NAA25: variants seen among roughly 807,000 people sequenced by gnomAD.
NAA25 encodes N-alpha-acetyltransferase 25, NatB auxiliary subunit, also known as N-terminal acetyltransferase B complex subunit NAA25.
NAA25 carries 30 observed loss-of-function variants against 132.5 expected under a neutral mutation model. That is an observed-to-expected ratio of 0.23 (90% confidence interval 0.17 to 0.31). The LOEUF (loss-of-function observed/expected upper bound fraction) is 0.31. Among genes scored for constraint, NAA25 ranks in the 10% least tolerant of loss-of-function variants. The probability of loss-of-function intolerance (pLI) is 1.00; values close to 1 mark genes in which losing one functional copy is unlikely to be tolerated. For synonymous variants in NAA25, 359 were observed against 401.9 expected, an observed-to-expected ratio of 0.89 and a Z score of 1.28; for missense variants, 771 against 1,150.4, an observed-to-expected ratio of 0.67 and a Z score of 4.77.
intron 22 of NAA25, among the ~76,000 whole-genome samples, chr12:112,038,174 C>T (rs552526048): frequency 2.9e-4 from 44 of 152,164 alleles, no homozygotes; most frequent in Non-Finnish European, 4.3e-4. Context: ...CCACCATGCC[C>T]GACTAATTTT....
chr12:112,101,472 A>T (rs535257205), intron 1 of NAA25, among the ~76,000 whole-genome samples: 32 of 152,012 alleles, frequency 2.1e-4, no homozygotes, highest in Non-Finnish European at 3.1e-4. Context: ...ATAAGATAAT[A>T]CAGGCCGGGT....
intron 23 of NAA25, among the ~76,000 whole-genome samples, chr12:112,030,761 T>C (rs2078139218): frequency 6.6e-6 from 1 of 152,148 alleles, no homozygotes; most frequent in African/African-American, 2.4e-5. Flanking sequence ...GAAATACAAA[T>C]GTGCATAGAA....
At position 112,050,047 on chromosome 12, in the gene NAA25, T is replaced by TA. The variant is rs75376629; in HGVS notation, c.1729-1605dup. Among the ~76,000 whole-genome samples the TA allele has an allele frequency of 5.9e-3, 757 of 128,880 alleles. 6 individuals are homozygous for TA. Among genetic ancestry groups the TA allele is most frequent in the South Asian group, 0.023 (95 of 4,112 alleles). 84.6% of individuals were successfully genotyped at this position (128,880 alleles called of 152,430 possible). ...GTGGTCCGTGGAACACCACTTTATT[T>TA]AAAAAAAAAAAAAAAAAAGGCAATA... On this transcript the variant is annotated intron_variant, in intron 15 of 23. Transcript: ENST00000261745.
At chr12:112,039,859 A>AGT (rs2078278610) in intron 21 of NAA25, 1 of 154,570 alleles carries the variant, frequency 6.5e-6, no homozygotes, top group South Asian at 2.0e-4. Context: ...CCTATACTAC[A>AGT]GTGTGTGCAT....
intron 11 of NAA25, among the ~76,000 whole-genome samples, chr12:112,061,857 C>T (rs1356286423): frequency 2.6e-5 from 4 of 152,090 alleles, no homozygotes; most frequent in Non-Finnish European, 4.4e-5. Context: ...ATGTCAGTGA[C>T]CCTACATTTT....
In NAA25 at chr12:112,102,712, AG is replaced by A. The variant is rs1311761620; in HGVS notation, c.58+6003del. Reference sequence around the variant, plus strand: ...GCTGCCCCCCCGCCCCCCGCAATGGAGTCTCGCACTGGAGCCCAGGCTGGAG... The same window carrying A: ...GCTGCCCCCCCGCCCCCCGCAATGGATCTCGCACTGGAGCCCAGGCTGGAG... On this transcript the variant is annotated intron_variant, in intron 1 of 23. Transcript: ENST00000261745. 1.0e-4 allele frequency among the ~76,000 whole-genome samples: 11 copies of A among 109,062 alleles called. 1 individual carries two copies. Among genetic ancestry groups the A allele is most frequent in the Non-Finnish European group, 8.7e-5 (5 of 57,696 alleles). 71.5% of individuals were successfully genotyped at this position (109,062 alleles called of 152,430 possible). A position where few individuals can be genotyped will look rare whatever the true frequency, so the allele number is the denominator to read the frequency against.
At chr12:112,075,635 G>C in intron 8 of NAA25, 43 bp downstream of exon 8, 1 of 1,473,056 alleles carries the variant, frequency 6.8e-7, no homozygotes, top group Non-Finnish European at 9.5e-7. Flanking sequence ...AGGTCTTAAA[G>C]CCTCACTACA....
chr12:112,060,470 G>T, intron 12 of NAA25, 111 bp from the exon 13 acceptor site: 1 of 656,736 alleles, frequency 1.5e-6, no homozygotes, highest in Non-Finnish European at 2.6e-6. Context: ...AAAAGTAAAA[G>T]AAAATTAAGA....
intron 22 of NAA25, among the ~76,000 whole-genome samples, chr12:112,037,996 TAA>T (rs1429425630): frequency 6.6e-6 from 1 of 152,138 alleles, no homozygotes; most frequent in Non-Finnish European, 1.5e-5. Context: ...ATAATTGAGA[TAA>T]GTGGAAAACT....
rs776018116 is a variant in NAA25 at position 112,033,371 on chromosome 12, G to A, written c.2658C>T (p.Val886=). The part of the protein sequence containing the change: ...KKETSIIMPP[V]FTSFQDYVTG... ...TAACATAGTCTTGGAAACTGGTAAAGACAGGTGGCTGGGAAAAAGATTAAA... is the reference window on the plus strand; with the variant it reads ...TAACATAGTCTTGGAAACTGGTAAAAACAGGTGGCTGGGAAAAAGATTAAA... The change falls in exon 23 of 24, where the codon GTC becomes GTT. Residue 886 remains valine, a synonymous_variant. Transcript: ENST00000261745. 1 of 1,600,844 alleles carries A rather than the reference G, an allele frequency of 6.2e-7. No individual in the cohort carries two copies. Among genetic ancestry groups the A allele is most frequent in the South Asian group, 1.1e-5 (1 of 88,184 alleles).
rs2078764516 is a variant in NAA25, at chr12:112,069,130, T to C, written c.1037-138A>G. On this transcript the variant is annotated intron_variant, in intron 10 of 23. Coordinates refer to ENST00000261745, the MANE Select transcript of NAA25 (RefSeq NM_024953.4). Reference sequence around the variant, plus strand: ...ACTGGTCCCAAGATAGCGGGTTATCTCAACTACTTGTTCAGTTACAGACTG... The same window carrying C: ...ACTGGTCCCAAGATAGCGGGTTATCCCAACTACTTGTTCAGTTACAGACTG... 4 of 608,714 alleles carry C rather than the reference T, an allele frequency of 6.6e-6. No individual in the cohort carries two copies. In the East Asian group the frequency reaches 1.1e-4, roughly 17 times the overall value. 37.7% of individuals were successfully genotyped at this position (608,714 alleles called of 1,614,324 possible). A position where few individuals can be genotyped will look rare whatever the true frequency, so the allele number is the denominator to read the frequency against.
chr12:112,107,057 C>G (rs2079372884), intron 1 of NAA25, among the ~76,000 whole-genome samples: 2 of 148,808 alleles, frequency 1.3e-5, no homozygotes, highest in Admixed American at 6.8e-5. Context: ...GTCAAGAGTT[C>G]AAGTCCAGCC....
chr12:112,073,054 T>C (rs151291257), intron 9 of NAA25, among the ~76,000 whole-genome samples: 22 of 151,800 alleles, frequency 1.4e-4, no homozygotes, highest in African/African-American at 5.3e-4. Flanking sequence ...GGCAACATGG[T>C]AAAACCCCAT....
chr12:112,050,495 TTA>T (rs1438817905), intron 15 of NAA25, among the ~76,000 whole-genome samples: 1 of 151,784 alleles, frequency 6.6e-6, no homozygotes, highest in Non-Finnish European at 1.5e-5. Context: ...TACCTAGAGA[TTA>T]TATTTTCTTT....
intron 4 of NAA25, 41 bp downstream of exon 4, chr12:112,087,642 T>C (rs757297559): frequency 2.2e-6 from 3 of 1,372,436 alleles, no homozygotes; most frequent in Non-Finnish European, 3.1e-6. Context: ...TTGCCTCTAA[T>C]AGTAAATCCC....
chr12:112,096,744 AG>A (rs1488937780), intron 1 of NAA25, among the ~76,000 whole-genome samples: 1 of 152,226 alleles, frequency 6.6e-6, no homozygotes, highest in Non-Finnish European at 1.5e-5. Context: ...AAGATAAACC[AG>A]CTCAATAAAC....
chr12:112,043,891 T>G, intron 17 of NAA25, 23 bp from the exon 18 acceptor site: 11 of 1,602,710 alleles, frequency 6.9e-6, no homozygotes, highest in Non-Finnish European at 9.4e-6. Context: ...CATCCCCAAA[T>G]TATCTAACTT....
chr12:112,031,073 C>A (rs1240604306), intron 23 of NAA25, among the ~76,000 whole-genome samples: 1 of 152,060 alleles, frequency 6.6e-6, no homozygotes, highest in Non-Finnish European at 1.5e-5. Context: ...AGCCACTACA[C>A]CTGGCCGAGT....
At chr12:112,042,980 C>CA in intron 19 of NAA25, 108 bp downstream of exon 19, 1 of 1,086,598 alleles carries the variant, frequency 9.2e-7, no homozygotes, top group East Asian at 2.5e-5. Flanking sequence ...GAACAGCTTC[C>CA]AGCTTCCATG....
Sources: allele counts gnomAD v4.1 joint callset (sites outside exome capture counted in the v4.1 genomes callset), GRCh38; gene constraint gnomAD v4.1.1; transcripts MANE v1.5; gene names NCBI Gene and HGNC (gene_info 2026-07-23, HGNC 2026-07-21).